Variants in DAAM1 observed in about 807,000 individuals in gnomAD.
The protein encoded by DAAM1 is dishevelled associated activator of morphogenesis 1.
In DAAM1, 52 loss-of-function variants were observed where a neutral mutation model predicts 130.0. The ratio of observed to expected loss-of-function variants is 0.40; its 90% confidence interval spans 0.32 to 0.50. DAAM1 has a LOEUF of 0.50. DAAM1 is among the 20% of genes least tolerant of loss of function. The probability of loss-of-function intolerance (pLI) is 0.61; values close to 1 mark genes in which losing one functional copy is unlikely to be tolerated. For missense variants in DAAM1, 1,134 were observed against 1,303.8 expected, an observed-to-expected ratio of 0.87 and a Z score of 2.01; for synonymous variants, 452 against 444.5, an observed-to-expected ratio of 1.02 and a Z score of -0.21.
intron 1 of DAAM1, among the ~76,000 whole-genome samples, chr14:59,247,139 G>A (rs950408307): frequency 6.6e-5 from 10 of 152,048 alleles, no homozygotes; most frequent in African/African-American, 9.7e-5. Context: ...ACCATTTGTC[G>A]AAGAGACCCC....
chr14:59,261,870 T>C (rs17255486), intron 1 of DAAM1, among the ~76,000 whole-genome samples: 28,729 of 152,200 alleles, frequency 0.19, 3,220 homozygotes, highest in Non-Finnish European at 0.25. Context: ...GCATCTGTTT[T>C]CTCACTGTCC....
chr14:59,272,361 T>A (rs1227943755), intron 2 of DAAM1, among the ~76,000 whole-genome samples: 1 of 152,022 alleles, frequency 6.6e-6, no homozygotes, highest in African/African-American at 2.4e-5. Flanking sequence ...GGCAGATCAC[T>A]TGAGGCCAGG....
chr14:59,323,178 G>A lies in DAAM1; in HGVS notation c.727G>A (p.Ala243Thr), dbSNP rs1885084599. Residue 243 changes from alanine (A) to threonine (T), a missense_variant, in exon 6 of 25, where the codon GCC becomes ACC. Transcript: ENST00000360909. ...VPGGHKKVLQ[A>T]MLHYQKYASE... ...CGGGGGCCACAAGAAGGTTCTGCAG[G>A]CCATGCTGCACTACCAGAAGTATGC... 1 of 1,613,534 alleles carries A rather than the reference G, an allele frequency of 6.2e-7. No individual in the cohort carries two copies. Among genetic ancestry groups the A allele is most frequent in the Non-Finnish European group, 8.5e-7 (1 of 1,179,752 alleles).
At chr14:59,289,851 A>C (rs1255823891) in intron 2 of DAAM1, among the ~76,000 whole-genome samples, 2 of 150,922 alleles carry the variant, frequency 1.3e-5, no homozygotes, top group East Asian at 3.9e-4. Flanking sequence ...ATGCCGCTGG[A>C]GGCCAGCATC....
At chr14:59,316,613 A>C (rs181178160) in intron 4 of DAAM1, among the ~76,000 whole-genome samples, 32 of 152,356 alleles carry the variant, frequency 2.1e-4, no homozygotes, top group African/African-American at 7.0e-4. Context: ...GCCAAAGATG[A>C]GAAAAGGGTG....
At chr14:59,352,298 A>C (rs1239953606) in intron 17 of DAAM1, among the ~76,000 whole-genome samples, 1 of 152,230 alleles carries the variant, frequency 6.6e-6, no homozygotes, top group African/African-American at 2.4e-5. Flanking sequence ...TTTGAGAGGC[A>C]GTAGAGAACA....
intron 2 of DAAM1, among the ~76,000 whole-genome samples, chr14:59,284,112 T>C (rs753725713): frequency 4.6e-5 from 7 of 152,100 alleles, no homozygotes; most frequent in Non-Finnish European, 1.0e-4. Context: ...TGCTTGCTCA[T>C]GTTTGAGAAC....
chr14:59,210,527 C>T (rs964202773), intron 1 of DAAM1, among the ~76,000 whole-genome samples: 3 of 152,158 alleles, frequency 2.0e-5, no homozygotes, highest in African/African-American at 4.8e-5. Context: ...AGGAAACTTA[C>T]GATATCTCCA....
chr14:59,324,473 A>G lies in DAAM1; in HGVS notation c.989+19A>G. 6.7e-7 allele frequency: 1 copy of G among 1,502,348 alleles called. No individual in the cohort carries two copies. The highest frequency in any genetic ancestry group is 9.0e-7 in the Non-Finnish European group (1 of 1,114,240). 93.1% of individuals were successfully genotyped at this position (1,502,348 alleles called of 1,614,324 possible). A position where few individuals can be genotyped will look rare whatever the true frequency, so the allele number is the denominator to read the frequency against. On this transcript the variant is annotated intron_variant, in intron 8 of 24. Transcript: ENST00000360909. ...TAGATAGGTAAGTCAGACTATTATG[A>G]TGTGAGAAAGTTTCTGTGTTTCCCA...
intron 19 of DAAM1, among the ~76,000 whole-genome samples, chr14:59,354,643 G>A (rs1233410901): frequency 6.6e-6 from 1 of 152,172 alleles, no homozygotes; most frequent in Non-Finnish European, 1.5e-5. Context: ...TTTAAAATTT[G>A]TAAATGTTTG....
chr14:59,211,955 T>C (rs1045194921), intron 1 of DAAM1, among the ~76,000 whole-genome samples: 2 of 152,212 alleles, frequency 1.3e-5, no homozygotes, highest in Non-Finnish European at 1.5e-5. Context: ...TTAAGAAATA[T>C]AAAACACTCC....
chr14:59,288,919 T>G (rs1373150738), intron 2 of DAAM1, among the ~76,000 whole-genome samples: 1 of 151,394 alleles, frequency 6.6e-6, no homozygotes, highest in Non-Finnish European at 1.5e-5. Flanking sequence ...GTTTTTTTGT[T>G]GTTGTTTTTG....
chr14:59,208,956 C>A (rs1367049302), intron 1 of DAAM1, among the ~76,000 whole-genome samples: 2 of 152,316 alleles, frequency 1.3e-5, no homozygotes, highest in African/African-American at 4.8e-5. Context: ...GCTTCCTGGG[C>A]CTCACCAGAA....
chr14:59,237,942 A>G (rs562111674), intron 1 of DAAM1, among the ~76,000 whole-genome samples: 1 of 152,220 alleles, frequency 6.6e-6, no homozygotes, highest in Admixed American at 6.5e-5. Context: ...TTTGAAGAGC[A>G]GGATATTTGC....
chr14:59,346,746 T>C (rs553062625), intron 16 of DAAM1, among the ~76,000 whole-genome samples: 2 of 152,380 alleles, frequency 1.3e-5, no homozygotes, highest in African/African-American at 4.8e-5. Context: ...TTTAACATTA[T>C]ATTTTATATT....
At position 59,294,797 on chromosome 14, in the gene DAAM1, A is replaced by C. The variant is rs190553243; in HGVS notation, c.273+3491A>C. Among the ~76,000 whole-genome samples the C allele has an allele frequency of 3.3e-3, 510 of 152,328 alleles. 3 individuals carry two copies. The highest frequency in any genetic ancestry group is 0.011 in the African/African-American group (452 of 41,588). ...ACTGAAGCTTTTTAAACAATGAACC[A>C]TCTGACCACAAAAAGGCGTCTGGCC... is the stretch of plus-strand genomic sequence containing the variant. On this transcript the variant is annotated intron_variant, in intron 3 of 24. Coordinates refer to ENST00000360909, the MANE Select transcript of DAAM1 (RefSeq NM_001270520.2).
At chr14:59,253,818 A>G (rs1183935354) in intron 1 of DAAM1, among the ~76,000 whole-genome samples, 1 of 152,180 alleles carries the variant, frequency 6.6e-6, no homozygotes, top group Non-Finnish European at 1.5e-5. Context: ...ACTTAGTGTG[A>G]CCATGAGCCC....
intron 5 of DAAM1, among the ~76,000 whole-genome samples, chr14:59,321,132 A>G (rs899891923): frequency 5.9e-5 from 9 of 152,260 alleles, no homozygotes; most frequent in Non-Finnish European, 8.8e-5. Context: ...TGGCTACAAA[A>G]AAAAGGAATG....
intron 15 of DAAM1, 74 bp downstream of exon 15, chr14:59,331,994 C>A: frequency 1.5e-6 from 2 of 1,298,334 alleles, no homozygotes; most frequent in Non-Finnish European, 1.1e-6. Flanking sequence ...GGCCCATCAG[C>A]CATGGCCGTG....
Sources: gnomAD v4.1 joint callset for allele counts (sites outside exome capture counted in the v4.1 genomes callset) on GRCh38, gnomAD v4.1.1 for gene constraint, MANE v1.5 for transcripts, NCBI Gene and HGNC (gene_info 2026-07-23, HGNC 2026-07-21) for gene names.